The following CLASP1 variants were observed in gnomAD, a reference collection of about 807,000 sequenced individuals.
CLASP1 encodes the protein CLIP-associating protein 1.
CLASP1 carries 38 observed loss-of-function variants against 192.3 expected under a neutral mutation model. That is an observed-to-expected ratio of 0.20 (90% CI 0.15 to 0.26). The LOEUF (loss-of-function observed/expected upper bound fraction) is 0.26, where lower values mean the gene tolerates loss of function less well. Ranked by LOEUF, CLASP1 falls within the 10% of genes least tolerant of loss-of-function variation. CLASP1 has a pLI of 1.00. For missense variants in CLASP1, 1,433 were observed against 1,932.5 expected (o/e 0.74, Z 4.85); for synonymous variants, 691 against 712.8 (o/e 0.97, Z 0.49).
In CLASP1 at chr2:121,503,189, TC is replaced by T; in HGVS notation, c.689del (p.Gly230GlufsTer3). 1 of 1,550,800 alleles carries T rather than the reference TC, an allele frequency of 6.4e-7. No individual in the cohort carries two copies. The highest frequency in any genetic ancestry group is 8.7e-7 in the Non-Finnish European group (1 of 1,145,722). On this transcript the variant is annotated frameshift_variant, in exon 8 of 40. Transcript: ENST00000263710. LOFTEE classifies it high-confidence loss of function. ...CACCATTTGCAGATTGTATCATGTT[TC>T]CAGATTTCTGGACTTCATCAAATTT... is the stretch of plus-strand genomic sequence containing the variant.
chr2:121,459,277 T>C (rs900710219), intron 12 of CLASP1, among the ~76,000 whole-genome samples: 2 of 152,110 alleles, frequency 1.3e-5, no homozygotes, highest in African/African-American at 4.8e-5. Context: ...ATCCTCCCAC[T>C]TTGGCTTTCC....
chr2:121,535,453 A>T (rs900555667), intron 2 of CLASP1, among the ~76,000 whole-genome samples: 1 of 152,222 alleles, frequency 6.6e-6, no homozygotes. Context: ...TCCTAAGTGC[A>T]CTGTAAATAC....
chr2:121,387,580 C>T (rs192337126), intron 31 of CLASP1, among the ~76,000 whole-genome samples, 183 bp downstream of exon 32: 32 of 152,244 alleles, frequency 2.1e-4, no homozygotes, highest in Admixed American at 1.3e-3. Context: ...TGAGAAAAAA[C>T]GGCATACTTA....
intron 37 of CLASP1, among the ~76,000 whole-genome samples, chr2:121,359,188 T>C (rs2065910484): frequency 6.6e-6 from 1 of 152,256 alleles, no homozygotes; most frequent in Admixed American, 6.5e-5. Context: ...TGGGCACTTT[T>C]GAAATGAATA....
intron 1 of CLASP1, among the ~76,000 whole-genome samples, chr2:121,631,287 CTT>C (rs769717647): frequency 1.9e-4 from 24 of 127,564 alleles, no homozygotes; most frequent in East Asian, 4.9e-4. Context: ...TTTAAAATTA[CTT>C]TTTTTTTTTT....
intron 8 of CLASP1, among the ~76,000 whole-genome samples, chr2:121,492,326 T>C (rs1337139541): frequency 6.8e-6 from 1 of 146,386 alleles, no homozygotes; most frequent in Admixed American, 7.0e-5. Context: ...GAGGCGGAGC[T>C]TGCAGTGAGC....
At chr2:121,599,013 T>C (rs7580638) in intron 2 of CLASP1, among the ~76,000 whole-genome samples, 34,969 of 151,922 alleles carry the variant, frequency 0.23, 6,037 homozygotes, top group African/African-American at 0.48. Flanking sequence ...TATACGTGCG[T>C]GCCACCACGC....
chr2:121,602,107 G>A (rs572310004), intron 2 of CLASP1, among the ~76,000 whole-genome samples: 4 of 151,654 alleles, frequency 2.6e-5, no homozygotes, highest in East Asian at 1.9e-4. Context: ...CCCAGGAGGC[G>A]GAGGTTGCAG....
intron 1 of CLASP1, among the ~76,000 whole-genome samples, chr2:121,631,063 G>T (rs1313251004): frequency 6.9e-6 from 1 of 144,464 alleles, no homozygotes; most frequent in Non-Finnish European, 1.5e-5. Flanking sequence ...GGAGACTGAG[G>T]CAGGAGAATG....
intron 33 of CLASP1, among the ~76,000 whole-genome samples, chr2:121,381,011 A>G (rs1163447494): frequency 1.3e-5 from 2 of 152,172 alleles, no homozygotes; most frequent in Non-Finnish European, 2.9e-5. Context: ...ACTTGGAGGC[A>G]CAGCTAACCT....
At chr2:121,417,461 A>AAAT (rs931600694) in intron 23 of CLASP1, among the ~76,000 whole-genome samples, 9 of 152,144 alleles carry the variant, frequency 5.9e-5, no homozygotes, top group African/African-American at 1.4e-4. Flanking sequence ...TCAGAAAAAA[A>AAAT]AAAAAAATCA....
At chr2:121,640,885 G>A (rs2071927633) in intron 1 of CLASP1, among the ~76,000 whole-genome samples, 1 of 152,122 alleles carries the variant, frequency 6.6e-6, no homozygotes, top group South Asian at 2.1e-4. Context: ...CCATCCAACT[G>A]CCTGGCAAAT....
chr2:121,425,778 CAAAAT>C (rs2080272981), intron 21 of CLASP1, among the ~76,000 whole-genome samples: 1 of 152,038 alleles, frequency 6.6e-6, no homozygotes, highest in African/African-American at 2.4e-5. Flanking sequence ...ATAAAAATCA[CAAAAT>C]AAGATAGAAG....
intron 39 of CLASP1, among the ~76,000 whole-genome samples, chr2:121,341,519 C>G (rs2062786727): frequency 2.0e-5 from 3 of 152,058 alleles, no homozygotes; most frequent in Admixed American, 2.0e-4. Context: ...ACATGTGATC[C>G]AATTATATGC....
chr2:121,525,325 T>C (rs1427945801), intron 6 of CLASP1, among the ~76,000 whole-genome samples: 1 of 152,162 alleles, frequency 6.6e-6, no homozygotes, highest in African/African-American at 2.4e-5. Context: ...TGGTACTTTT[T>C]GTTAATTTAG....
intron 2 of CLASP1, among the ~76,000 whole-genome samples, chr2:121,587,029 T>G (rs1445232254): frequency 6.6e-6 from 1 of 151,780 alleles, no homozygotes; most frequent in Non-Finnish European, 1.5e-5. Context: ...GATCACAAAG[T>G]CAGTAGTTCA....
At chr2:121,427,066 A>T (rs2080526266) in intron 21 of CLASP1, among the ~76,000 whole-genome samples, 1 of 151,926 alleles carries the variant, frequency 6.6e-6, no homozygotes, top group Admixed American at 6.6e-5. Flanking sequence ...AACCACCATC[A>T]TTCAAATGAA....
chr2:121,615,524 C>T (rs116281883), intron 1 of CLASP1, among the ~76,000 whole-genome samples: 1 of 151,872 alleles, frequency 6.6e-6, no homozygotes, highest in Non-Finnish European at 1.5e-5. Context: ...AGGTCGGGTG[C>T]GGTGGCTCAA....
chr2:121,488,567 C>T (rs2093124417), intron 8 of CLASP1, among the ~76,000 whole-genome samples: 1 of 152,192 alleles, frequency 6.6e-6, no homozygotes, highest in African/African-American at 2.4e-5. Context: ...CTAGGGCTCT[C>T]CCCTGTCCTG....
Sources: gnomAD v4.1 joint callset for allele counts (sites outside exome capture counted in the v4.1 genomes callset) on GRCh38, gnomAD v4.1.1 for gene constraint, MANE v1.5 for transcripts, NCBI Gene and HGNC (gene_info 2026-07-23, HGNC 2026-07-21) for gene names.